Variants in SPIDR observed in about 807,000 individuals in gnomAD.
SPIDR encodes the protein DNA repair-scaffolding protein.
SPIDR carries 93 observed loss-of-function variants against 104.6 expected under a neutral mutation model. That is an observed-to-expected ratio of 0.89 (90% CI 0.75 to 1.06). SPIDR has a LOEUF of 1.06. SPIDR is among the 50% of genes least tolerant of loss of function. SPIDR has a pLI of 0.00. For missense variants in SPIDR, 1,154 were observed against 1,111.2 expected, an observed-to-expected ratio of 1.04 and a Z score of -0.55; for synonymous variants, 431 against 416.9, an observed-to-expected ratio of 1.03 and a Z score of -0.41.
intron 7 of SPIDR, 68 bp from the exon 8 acceptor site, chr8:47,440,255 C>T: frequency 7.2e-7 from 1 of 1,393,182 alleles, no homozygotes; most frequent in Non-Finnish European, 1.0e-6. Context: ...TTTCATGACA[C>T]TTTATTCACG....
chr8:47,281,865 G>C (rs1315609539), intron 2 of SPIDR, among the ~76,000 whole-genome samples: 4 of 152,112 alleles, frequency 2.6e-5, no homozygotes, highest in African/African-American at 9.7e-5. Flanking sequence ...ATCCATCAGA[G>C]GAGTCACTAT....
Position 47,396,383 on chromosome 8 carries a change from C to A in SPIDR, c.533C>A (p.Ser178Tyr). The change falls in exon 6 of 20, where the codon TCT becomes TAT. Residue 178 changes from serine to tyrosine, a missense_variant. Physicochemically the swap from Ser to Tyr is moderately radical, Grantham distance 144 (BLOSUM62 -2). Coordinates refer to ENST00000297423, the MANE Select transcript of SPIDR (RefSeq NM_001080394.4). ...EKLSELPKPSSIEILEYSSDS... is the reference protein window; with the variant it reads ...EKLSELPKPSYIEILEYSSDS... ...CTTTTAATTTTTTTTCAGCCAAGTT[C>A]TATAGAAATTTTAGAGTATTCATCA... 1 of 1,600,728 alleles carries A rather than the reference C, an allele frequency of 6.2e-7. No individual in the cohort carries two copies. The highest frequency in any genetic ancestry group is 1.1e-5 in the South Asian group (1 of 89,952).
chr8:47,493,036 AGAGTGAGT>A (rs1183900406), intron 8 of SPIDR, among the ~76,000 whole-genome samples: 1 of 123,372 alleles, frequency 8.1e-6, no homozygotes, highest in Admixed American at 7.7e-5. Flanking sequence ...AGAGAGAGAG[AGAGTGAGT>A]GTGTGTGTGT....
chr8:47,405,221 G>A (rs1168663164), intron 6 of SPIDR, among the ~76,000 whole-genome samples: 1 of 151,964 alleles, frequency 6.6e-6, no homozygotes, highest in South Asian at 2.1e-4. Flanking sequence ...GGGGGATGGG[G>A]GAGGGATAGC....
At chr8:47,731,770 A>G (rs911634022) in intron 19 of SPIDR, among the ~76,000 whole-genome samples, 36 of 152,204 alleles carry the variant, frequency 2.4e-4, no homozygotes, top group African/African-American at 8.7e-4. Context: ...GGAGGAAGAA[A>G]GGAGGAGGCA....
At chr8:47,342,983 G>A (rs941132135) in intron 5 of SPIDR, among the ~76,000 whole-genome samples, 3 of 152,156 alleles carry the variant, frequency 2.0e-5, no homozygotes, top group Non-Finnish European at 4.4e-5. Context: ...TTATCTAGCT[G>A]TTCTAACTTT....
intron 8 of SPIDR, among the ~76,000 whole-genome samples, chr8:47,549,779 A>G (rs1330550138): frequency 1.3e-5 from 2 of 152,066 alleles, no homozygotes; most frequent in African/African-American, 2.4e-5. Context: ...ATTAGACCCC[A>G]TTTGTCAATT....
At chr8:47,339,180 A>C (rs1349597120) in intron 5 of SPIDR, among the ~76,000 whole-genome samples, 2 of 152,224 alleles carry the variant, frequency 1.3e-5, no homozygotes, top group East Asian at 3.8e-4. Context: ...TCATGGGATT[A>C]GATTTTTGGA....
intron 11 of SPIDR, among the ~76,000 whole-genome samples, chr8:47,687,008 T>C (rs1282698723): frequency 1.3e-5 from 2 of 152,152 alleles, no homozygotes; most frequent in African/African-American, 4.8e-5. Flanking sequence ...AAAAGGTTAG[T>C]GCAAAAGTAA....
chr8:47,498,204 G>C (rs2079764558), intron 8 of SPIDR, among the ~76,000 whole-genome samples: 1 of 152,116 alleles, frequency 6.6e-6, no homozygotes, highest in Admixed American at 6.6e-5. Context: ...TCTCTCCCTT[G>C]TTTTGGCAGT....
intron 10 of SPIDR, among the ~76,000 whole-genome samples, chr8:47,636,824 A>AT (rs1446194457): frequency 6.6e-6 from 1 of 152,054 alleles, no homozygotes; most frequent in East Asian, 1.9e-4. Context: ...TCAAAAAAAA[A>AT]AAAAAAAGAG....
At chr8:47,597,924 C>T (rs1441310203) in intron 9 of SPIDR, among the ~76,000 whole-genome samples, 2 of 152,130 alleles carry the variant, frequency 1.3e-5, no homozygotes, top group African/African-American at 4.8e-5. Flanking sequence ...CAGAATGCTT[C>T]CTGAGACTGA....
At chr8:47,312,412 C>G (rs1554586074) in intron 5 of SPIDR, among the ~76,000 whole-genome samples, 1 of 152,194 alleles carries the variant, frequency 6.6e-6, no homozygotes, top group Non-Finnish European at 1.5e-5. Flanking sequence ...GATCACCATT[C>G]TAACTGGTGT....
At chr8:47,492,712 C>T (rs2078903267) in intron 8 of SPIDR, among the ~76,000 whole-genome samples, 2 of 152,146 alleles carry the variant, frequency 1.3e-5, no homozygotes, top group South Asian at 4.1e-4. Context: ...ATTTAGGAAG[C>T]ATACGTCTGG....
At chr8:47,697,565 T>TCCCTCCTCCCG (rs371628205) in intron 11 of SPIDR, among the ~76,000 whole-genome samples, 48 of 152,276 alleles carry the variant, frequency 3.2e-4, no homozygotes, top group African/African-American at 1.1e-3. Flanking sequence ...GCCTCCTGCC[T>TCCCTCCTCCCG]CCCTCCTCCC....
intron 8 of SPIDR, among the ~76,000 whole-genome samples, chr8:47,513,061 G>A (rs975031114): frequency 7.2e-5 from 11 of 152,146 alleles, no homozygotes; most frequent in African/African-American, 2.7e-4. Context: ...ATTCTGAAAG[G>A]TCACTTCTGA....
chr8:47,409,800 G>A (rs182488098), intron 7 of SPIDR, among the ~76,000 whole-genome samples: 6 of 152,286 alleles, frequency 3.9e-5, no homozygotes, highest in African/African-American at 7.2e-5. Context: ...AGGCCAAGAC[G>A]GGAGGATCAC....
intron 8 of SPIDR, among the ~76,000 whole-genome samples, chr8:47,454,624 T>TA (rs782069355): frequency 5.1e-4 from 77 of 152,022 alleles, no homozygotes; most frequent in Middle Eastern, 6.9e-3. Context: ...CCCTAGAACT[T>TA]AAAGTATAAT....
chr8:47,369,060 A>G (rs2057646421), intron 5 of SPIDR, among the ~76,000 whole-genome samples: 2 of 152,232 alleles, frequency 1.3e-5, no homozygotes, highest in African/African-American at 4.8e-5. Context: ...TATTACATAG[A>G]AACTAGAAGC....
Sources: gnomAD v4.1 joint callset for allele counts (sites outside exome capture counted in the v4.1 genomes callset) on GRCh38, gnomAD v4.1.1 for gene constraint, MANE v1.5 for transcripts, NCBI Gene and HGNC (gene_info 2026-07-23, HGNC 2026-07-21) for gene names.